The following MYO1E variants were observed in gnomAD, a reference collection of about 807,000 sequenced individuals.
The protein encoded by MYO1E is unconventional myosin-Ie.
MYO1E carries 68 observed loss-of-function variants against 151.1 expected under a neutral mutation model. The observed-to-expected ratio is 0.45, with a 90% CI of 0.37 to 0.55. MYO1E has a LOEUF of 0.55. Ranked by LOEUF, MYO1E falls within the 20% of genes least tolerant of loss-of-function variation. The pLI is 0.00. For synonymous variants in MYO1E, 601 were observed against 501.7 expected (o/e 1.20, Z -2.64); for missense variants, 1,363 against 1,389.3 (o/e 0.98, Z 0.30).
rs140568274 is a variant in MYO1E, at chr15:59,351,051, C to A, written c.3+21447G>T. Among the ~76,000 whole-genome samples the A allele has an allele frequency of 3.2e-3, 491 of 152,328 alleles. 5 individuals carry two copies. Among genetic ancestry groups the A allele is most frequent in the African/African-American group, 0.011 (462 of 41,562 alleles). ...AGCTGGGACTACAGGCGTCCACCAC[C>A]ACGCCCAGCTAATTTTTTTGTGTAT... On this transcript the variant is annotated intron_variant, in intron 1 of 27. Transcript: ENST00000288235.
At chr15:59,162,738 T>C (rs73420830) in intron 23 of MYO1E, among the ~76,000 whole-genome samples, 12,086 of 151,620 alleles carry the variant, frequency 0.08, 878 homozygotes, top group African/African-American at 0.19. Context: ...CCCCGGAGGC[T>C]CTACCAATAA....
rs1240963613 is a variant in MYO1E at position 59,297,357 on chromosome 15, CG to C, written c.4-24909del. On this transcript the variant is annotated intron_variant, in intron 1 of 27. Coordinates refer to ENST00000288235, the MANE Select transcript of MYO1E (RefSeq NM_004998.4). ...CACGATTTCAGCTCACTGCAACCTC[CG>C]CCTCCTGGTTCAAATGATTCTCCTG... Among the ~76,000 whole-genome samples the C allele has an allele frequency of 2.0e-5, 3 of 149,964 alleles. No individual in the cohort carries two copies. The Admixed American group carries it at 2.0e-4, about 10-fold the overall frequency.
intron 6 of MYO1E, 49 bp downstream of exon 6, chr15:59,231,653 T>C (rs1405385173): frequency 1.3e-6 from 2 of 1,579,044 alleles, no homozygotes; most frequent in Non-Finnish European, 1.7e-6. Flanking sequence ...GTCAGAAGCA[T>C]CAACATCATC....
chr15:59,238,883 C>G (rs190409135), intron 4 of MYO1E, among the ~76,000 whole-genome samples: 24 of 151,690 alleles, frequency 1.6e-4, no homozygotes, highest in East Asian at 1.4e-3. Flanking sequence ...TTTTCCTTTT[C>G]ATGTGCTTTC....
intron 8 of MYO1E, 48 bp downstream of exon 8, chr15:59,224,641 T>C: frequency 1.2e-6 from 2 of 1,613,212 alleles, no homozygotes; most frequent in African/African-American, 1.3e-5. Context: ...CCACAGGAAA[T>C]GGCCAGTTGG....
intron 1 of MYO1E, among the ~76,000 whole-genome samples, chr15:59,320,052 AT>A (rs1446061414): frequency 1.3e-5 from 2 of 152,218 alleles, no homozygotes; most frequent in Non-Finnish European, 2.9e-5. Context: ...TGTGAGCCAA[AT>A]CAAGAATGCA....
At chr15:59,325,888 C>T (rs2140419904) in intron 1 of MYO1E, among the ~76,000 whole-genome samples, 1 of 152,270 alleles carries the variant, frequency 6.6e-6, no homozygotes, top group African/African-American at 2.4e-5. Context: ...CTCCCACAGA[C>T]CCTTCCAGCT....
chr15:59,185,713 A>C (rs1049393461), intron 18 of MYO1E, among the ~76,000 whole-genome samples: 11 of 152,218 alleles, frequency 7.2e-5, no homozygotes, highest in Admixed American at 1.3e-4. Context: ...TTATCTCTAA[A>C]ATAAATAAAT....
At chr15:59,191,322 C>T (rs965089626) in intron 17 of MYO1E, among the ~76,000 whole-genome samples, 1 of 104,252 alleles carries the variant, frequency 9.6e-6, no homozygotes, top group Non-Finnish European at 1.8e-5. Flanking sequence ...ATAAGTCAGA[C>T]AGACAGAGAC....
chr15:59,366,479 G>T (rs781208475), intron 1 of MYO1E, among the ~76,000 whole-genome samples: 7 of 151,926 alleles, frequency 4.6e-5, no homozygotes, highest in Non-Finnish European at 1.0e-4. Context: ...TTTGGTAAAG[G>T]CCTGAACGAC....
chr15:59,314,451 CCT>C (rs1491386193), intron 1 of MYO1E, among the ~76,000 whole-genome samples: 1 of 152,178 alleles, frequency 6.6e-6, no homozygotes, highest in Non-Finnish European at 1.5e-5. Context: ...GCCCTGATTC[CCT>C]CTCTGCAGGA....
intron 10 of MYO1E, among the ~76,000 whole-genome samples, chr15:59,217,519 CTTTTTTTTT>C (rs1164320277): frequency 3.2e-4 from 17 of 53,156 alleles, no homozygotes; most frequent in South Asian, 1.1e-3. Flanking sequence ...GTCGTTTTAC[CTTTTTTTTT>C]TTTTTTTTTT....
chr15:59,355,025 CATCA>C (rs2080845706), intron 1 of MYO1E, among the ~76,000 whole-genome samples: 1 of 152,190 alleles, frequency 6.6e-6, no homozygotes, highest in Non-Finnish European at 1.5e-5. Flanking sequence ...CGCTGGCTCT[CATCA>C]ATCACTCATT....
intron 26 of MYO1E, among the ~76,000 whole-genome samples, chr15:59,141,169 C>A (rs2079406817): frequency 6.6e-6 from 1 of 152,122 alleles, no homozygotes; most frequent in Non-Finnish European, 1.5e-5. Context: ...CATTACAACA[C>A]CCTGGGAGGG....
intron 2 of MYO1E, 70 bp from the exon 3 acceptor site, chr15:59,261,579 A>T: frequency 9.8e-7 from 1 of 1,022,862 alleles, no homozygotes; most frequent in Non-Finnish European, 1.5e-6. Context: ...AAGTAACCAG[A>T]TGTTATCAAG....
rs191019806 is a variant in MYO1E at position 59,141,537 on chromosome 15, G to A, written c.3081-3170C>T. ...GGACTGGCTAGGCATGGTGGCTCAC[G>A]CCTATAATCCCAGCACCTTGGGAGG... is the stretch of plus-strand genomic sequence containing the variant. On this transcript the variant is annotated intron_variant, in intron 26 of 27. Transcript: ENST00000288235. 5.5e-3 allele frequency among the ~76,000 whole-genome samples: 833 copies of A among 152,238 alleles called. 2 individuals are homozygous for A. The highest frequency in any genetic ancestry group is 8.9e-3 in the Non-Finnish European group (605 of 68,000).
intron 7 of MYO1E, among the ~76,000 whole-genome samples, chr15:59,226,216 A>G (rs1296604356): frequency 6.6e-6 from 1 of 152,270 alleles, no homozygotes; most frequent in Non-Finnish European, 1.5e-5. Flanking sequence ...TCATTTATAT[A>G]CTTTTTCAAC....
chr15:59,222,945 T>A (rs1328205003), intron 9 of MYO1E, 114 bp downstream of exon 9: 2 of 1,495,300 alleles, frequency 1.3e-6, no homozygotes, highest in East Asian at 4.5e-5. Flanking sequence ...ACATGTAGAT[T>A]TATCACTTCT....
At chr15:59,290,789 C>T (rs1158849738) in intron 1 of MYO1E, among the ~76,000 whole-genome samples, 1 of 152,206 alleles carries the variant, frequency 6.6e-6, no homozygotes, top group Non-Finnish European at 1.5e-5. Flanking sequence ...AGTCAAACAG[C>T]ATGCCACTCT....
Sources: gnomAD v4.1 joint callset for allele counts (sites outside exome capture counted in the v4.1 genomes callset) on GRCh38, gnomAD v4.1.1 for gene constraint, MANE v1.5 for transcripts, NCBI Gene and HGNC (gene_info 2026-07-23, HGNC 2026-07-21) for gene names.